The following SLC35D1 variants were observed in gnomAD, a reference collection of about 807,000 sequenced individuals.
SLC35D1 encodes the protein nucleotide sugar transporter SLC35D1.
SLC35D1 carries 31 observed loss-of-function variants against 46.7 expected under a neutral mutation model. The ratio of observed to expected loss-of-function variants is 0.66; its 90% CI spans 0.50 to 0.90. The LOEUF (loss-of-function observed/expected upper bound fraction) is 0.90, where lower values mean the gene tolerates loss of function less well. Ranked by LOEUF, SLC35D1 falls within the 40% of genes least tolerant of loss-of-function variation. The pLI, the probability that SLC35D1 is intolerant of heterozygous loss-of-function variation, is 0.00. For missense variants in SLC35D1, 397 were observed against 426.2 expected (o/e 0.93, Z 0.60); for synonymous variants, 195 against 164.6 (o/e 1.18, Z -1.41).
intron 6 of SLC35D1, 81 bp from the exon 7 acceptor site, chr1:67,047,448 C>G: frequency 8.6e-7 from 1 of 1,159,142 alleles, no homozygotes; most frequent in Non-Finnish European, 1.3e-6. Flanking sequence ...AAAATATTTA[C>G]AAGAACATAT....
At chr1:66,982,129 C>T in the SLC35D1 span, among the ~76,000 whole-genome samples, 1 of 152,208 alleles carries the variant, frequency 6.6e-6, no homozygotes, top group Admixed American at 6.5e-5. Context: ...ATAAAGCCTA[C>T]TGTCAACAGT....
intron 9 of SLC35D1, among the ~76,000 whole-genome samples, chr1:67,020,717 A>G (rs894769231): frequency 3.9e-5 from 6 of 152,210 alleles, no homozygotes; most frequent in African/African-American, 1.2e-4. Flanking sequence ...TTTATAGATC[A>G]TGCTTCCTAC....
Position 67,020,412 on chromosome 1 carries a change from T to C in SLC35D1, c.833A>G (p.Gln278Arg). The change falls in exon 10 of 12, where the codon CAG becomes CGG. Residue 278 changes from glutamine (Q) to arginine (R), a missense_variant. Gln to Arg is a conservative substitution (Grantham distance 43). Coordinates refer to ENST00000235345, the MANE Select transcript of SLC35D1 (RefSeq NM_015139.3). ...TGTAGTTGTAAGAGCAGAATTATAC[T>C]GCGTGCAGAGTACTGTGGCGTACAT... ...ILMYATVLCTQYNSALTTTIV... is the reference protein window; with the variant it reads ...ILMYATVLCTRYNSALTTTIV... 2 of 1,611,436 alleles carry C rather than the reference T, an allele frequency of 1.2e-6. No homozygotes were observed. Among genetic ancestry groups the C allele is most frequent in the Non-Finnish European group, 1.7e-6 (2 of 1,177,640 alleles).
At chr1:67,034,708 C>T (rs928892578) in intron 8 of SLC35D1, among the ~76,000 whole-genome samples, 2 of 152,080 alleles carry the variant, frequency 1.3e-5, no homozygotes, top group Non-Finnish European at 2.9e-5. Flanking sequence ...CTAGGACTTC[C>T]AGTATTACAC....
chr1:66,990,183 T>A, the SLC35D1 span, among the ~76,000 whole-genome samples: 1 of 152,238 alleles, frequency 6.6e-6, no homozygotes, highest in Non-Finnish European at 1.5e-5. Flanking sequence ...CTGTGTGGCC[T>A]CCTTTGTTGT....
the SLC35D1 span, among the ~76,000 whole-genome samples, chr1:66,974,879 TCATAATCTTAACTTTG>T: frequency 6.6e-6 from 1 of 152,242 alleles, no homozygotes; most frequent in African/African-American, 2.4e-5. Context: ...TGAAGATTTT[TCATAATCTTAACTTTG>T]CATGCCCCAA....
At chr1:67,044,016 T>C (rs1645223532) in intron 7 of SLC35D1, among the ~76,000 whole-genome samples, 1 of 152,130 alleles carries the variant, frequency 6.6e-6, no homozygotes, top group Non-Finnish European at 1.5e-5. Flanking sequence ...ACTGAAAAAT[T>C]GGAAATAAAT....
intron 8 of SLC35D1, among the ~76,000 whole-genome samples, chr1:67,036,330 T>C (rs1668122439): frequency 2.0e-5 from 3 of 152,156 alleles, no homozygotes; most frequent in Admixed American, 6.5e-5. Context: ...TCTTTAGCAC[T>C]AGTAGTATTT....
chr1:66,988,019 T>C, the SLC35D1 span: 1 of 152,072 alleles, frequency 6.6e-6, no homozygotes, highest in Non-Finnish European at 1.5e-5. Flanking sequence ...ATAAAACTTG[T>C]TTTGTCACAA....
At position 67,042,253 on chromosome 1, in the gene SLC35D1, T is replaced by C. The variant is rs200496218; in HGVS notation, c.712A>G (p.Thr238Ala). The C allele has an allele frequency of 4.3e-5, 70 of 1,614,114 alleles. No homozygotes were observed. Among genetic ancestry groups the C allele is most frequent in the Admixed American group, 3.2e-4 (19 of 60,022 alleles). Residue 238 changes from threonine to alanine, a missense_variant, in exon 8 of 12, where the codon ACA (threonine) becomes GCA (alanine). Coordinates refer to ENST00000235345, the MANE Select transcript of SLC35D1 (RefSeq NM_015139.3). ...AGTCCTACCTTTTGTGCATCTCCTGTGAAATACGCAATGGCCAGGGTGGGC... is the reference window on the plus strand; with the variant it reads ...AGTCCTACCTTTTGTGCATCTCCTGCGAAATACGCAATGGCCAGGGTGGGC... ...ILPTLAIAYF[T>A]GDAQKAVEFE...
At chr1:66,976,595 G>C in the SLC35D1 span, 1 of 1,575,908 alleles carries the variant, frequency 6.3e-7, no homozygotes, top group Admixed American at 1.9e-5. Context: ...TTTCTTACAG[G>C]TCCGAACAAG....
rs570706541 is a variant in SLC35D1 at position 66,999,769 on chromosome 1, G to A, written c.*4571C>T. The A allele has an allele frequency of 1.3e-5, 2 of 152,098 alleles. No individual in the cohort carries two copies. Among genetic ancestry groups the A allele is most frequent in the African/African-American group, 4.8e-5 (2 of 41,488 alleles). 9.4% of individuals were successfully genotyped at this position (152,098 alleles called of 1,614,324 possible). A position where few individuals can be genotyped will look rare whatever the true frequency, so the allele number is the denominator to read the frequency against. On this transcript the variant is annotated 3_prime_UTR_variant, in exon 12 of 12. Transcript: ENST00000235345. ...CCTGAAAGTAAGACCTAGAAGACTG[G>A]CTTAGAAAACAGTAATGGTGCCAGG...
At chr1:66,984,764 T>G in the SLC35D1 span, 1 of 1,613,942 alleles carries the variant, frequency 6.2e-7, no homozygotes, top group East Asian at 2.2e-5. Context: ...GAAAATGATT[T>G]TGATGAAAAA....
At chr1:66,988,170 A>C in the SLC35D1 span, 1 of 152,316 alleles carries the variant, frequency 6.6e-6, no homozygotes, top group South Asian at 2.1e-4. Context: ...TATAATCCAT[A>C]TTCATGAAAA....
chr1:67,004,988 G>A (rs1570603543), intron 11 of SLC35D1, among the ~76,000 whole-genome samples: 2 of 152,204 alleles, frequency 1.3e-5, no homozygotes, highest in Non-Finnish European at 2.9e-5. Context: ...GCCTATGACA[G>A]GTGGTTGCTG....
Position 67,021,507 on chromosome 1 carries a change from A to G in SLC35D1, c.797+28T>C, listed in dbSNP as rs762405791. ...TCTAACCTATTTCTTTAGGAAAACT[A>G]TCTGCTAACAAGGTAACAAAGGCTT... On this transcript the variant is annotated intron_variant, in intron 9 of 11. Transcript: ENST00000235345. The G allele has an allele frequency of 5.0e-6, 8 of 1,611,726 alleles. No individual in the cohort carries two copies. In the African/African-American group the frequency reaches 5.3e-5, roughly 11 times the overall value.
chr1:67,044,084 T>A (rs536856324), intron 7 of SLC35D1, among the ~76,000 whole-genome samples: 3 of 152,254 alleles, frequency 2.0e-5, no homozygotes, highest in African/African-American at 7.2e-5. Context: ...GCCTGTCATC[T>A]CAGCATTTGG....
Position 67,020,423 on chromosome 1 carries a change from T to C in SLC35D1, c.822A>G (p.Val274=), listed in dbSNP as rs1181377032. The change falls in exon 10 of 12, where the codon GTA becomes GTG. Residue 274 remains valine (V), a synonymous_variant. Transcript: ENST00000235345. ...GAGCAGAATTATACTGCGTGCAGAG[T>C]ACTGTGGCGTACATTAAGATAAACC... The part of the protein sequence containing the change: ...VMGFILMYAT[V]LCTQYNSALT... 4 of 1,609,932 alleles carry C rather than the reference T, an allele frequency of 2.5e-6. No homozygotes were observed. Among genetic ancestry groups the C allele is most frequent in the Non-Finnish European group, 3.4e-6 (4 of 1,176,452 alleles).
intron 8 of SLC35D1, among the ~76,000 whole-genome samples, chr1:67,023,782 C>T (rs912446333): frequency 1.7e-4 from 26 of 151,238 alleles, no homozygotes; most frequent in Middle Eastern, 3.4e-3. Context: ...AAGAGGTGCC[C>T]GGCCTCTTTT....
Sources: allele counts gnomAD v4.1 joint callset (sites outside exome capture counted in the v4.1 genomes callset), GRCh38; gene constraint gnomAD v4.1.1; transcripts MANE v1.5; gene names NCBI Gene and HGNC (gene_info 2026-07-23, HGNC 2026-07-21).